Variants in PRKCH observed in about 807,000 individuals in gnomAD.
PRKCH encodes protein kinase C eta.
PRKCH carries 28 observed loss-of-function variants against 82.5 expected under a neutral mutation model. The observed-to-expected ratio is 0.34, with a 90% CI of 0.25 to 0.47. The LOEUF (loss-of-function observed/expected upper bound fraction) is 0.47, where lower values mean the gene tolerates loss of function less well. PRKCH is among the 20% of genes least tolerant of loss of function. PRKCH has a pLI of 1.00. For missense variants in PRKCH, 705 were observed against 881.8 expected (o/e 0.80, Z 2.54); for synonymous variants, 322 against 327.4 (o/e 0.98, Z 0.18).
At chr14:61,404,729 A>G (rs919191433) in intron 2 of PRKCH, among the ~76,000 whole-genome samples, 1 of 152,154 alleles carries the variant, frequency 6.6e-6, no homozygotes, top group Non-Finnish European at 1.5e-5. Flanking sequence ...TTCAAATCAG[A>G]TGGTCAGGGA....
intron 1 of PRKCH, among the ~76,000 whole-genome samples, chr14:61,389,403 G>A (rs1320857896): frequency 6.6e-6 from 1 of 152,120 alleles, no homozygotes; most frequent in East Asian, 1.9e-4. Flanking sequence ...AGAAACGCTA[G>A]GCCAATGCCA....
At chr14:61,244,341 C>G (rs528499995) in intron 1 of PRKCH, among the ~76,000 whole-genome samples, 1 of 152,244 alleles carries the variant, frequency 6.6e-6, no homozygotes, top group East Asian at 1.9e-4. Context: ...GTAGTTCAAG[C>G]TTAAGTGATG....
intron 12 of PRKCH, among the ~76,000 whole-genome samples, chr14:61,534,295 C>T (rs74054816): frequency 0.029 from 4,469 of 152,186 alleles, 212 homozygotes; most frequent in African/African-American, 0.1. Context: ...TACAATAGCC[C>T]GAAGGTGGAA....
At chr14:61,321,535 C>T (rs2045622157), upstream of PRKCH, among the ~76,000 whole-genome samples, 1 of 152,174 alleles carries the variant, frequency 6.6e-6, no homozygotes, top group South Asian at 2.1e-4. This position sits in a 1 kb window ranked among gnomAD's most constrained non-coding sequence, Gnocchi z 4.1. Context: ...CCGCGGGCCA[C>T]GCCCCTGGGG....
chr14:61,222,035 C>G (rs2044660143), intron 1 of PRKCH, among the ~76,000 whole-genome samples: 1 of 152,174 alleles, frequency 6.6e-6, no homozygotes, highest in African/African-American at 2.4e-5. Flanking sequence ...GCAGTGCCCC[C>G]TCCCACACAC....
At chr14:61,500,228 CG>C in intron 10 of PRKCH, among the ~76,000 whole-genome samples, 1 of 151,618 alleles carries the variant, frequency 6.6e-6, no homozygotes, top group East Asian at 1.9e-4. Context: ...TTTTGAGACA[CG>C]GTCTCCCTCT....
chr14:61,367,708 G>A (rs1409554301), intron 1 of PRKCH, among the ~76,000 whole-genome samples: 2 of 142,790 alleles, frequency 1.4e-5, no homozygotes, highest in Non-Finnish European at 3.0e-5. Flanking sequence ...TCTTAATCTG[G>A]AGAACTCCTT....
intron 1 of PRKCH, among the ~76,000 whole-genome samples, chr14:61,189,158 C>G (rs1247200789): frequency 1.3e-5 from 2 of 152,240 alleles, no homozygotes; most frequent in Non-Finnish European, 2.9e-5. Context: ...CCAGCGCCCC[C>G]GCGAGGCCCG....
At chr14:61,208,714 T>C (rs1183033265) in intron 1 of PRKCH, among the ~76,000 whole-genome samples, 6 of 152,202 alleles carry the variant, frequency 3.9e-5, no homozygotes, top group Admixed American at 1.3e-4. Context: ...TTAACAACGA[T>C]TGATAAAGTA....
intron 1 of PRKCH, among the ~76,000 whole-genome samples, chr14:61,249,387 G>A (rs184289434): frequency 1.0e-3 from 158 of 152,216 alleles, no homozygotes; most frequent in Middle Eastern, 3.4e-3. Flanking sequence ...AGTTCTAAAT[G>A]TAAGAAGGTG....
intron 12 of PRKCH, among the ~76,000 whole-genome samples, chr14:61,539,121 ACAACGGGCATTG>A (rs2043149198): frequency 6.6e-6 from 1 of 152,248 alleles, no homozygotes; most frequent in Admixed American, 6.5e-5. Flanking sequence ...ATGTTGTCTA[ACAACGGGCATTG>A]GCACAACTGC....
intron 1 of PRKCH, chr14:61,281,128 G>A (rs910849216): frequency 7.1e-7 from 1 of 1,405,304 alleles, no homozygotes; most frequent in Non-Finnish European, 9.2e-7. Context: ...GGCGCCCCGG[G>A]CCGTGGCGCT....
At chr14:61,402,449 G>T (rs1200062551) in intron 2 of PRKCH, among the ~76,000 whole-genome samples, 1 of 152,196 alleles carries the variant, frequency 6.6e-6, no homozygotes, top group African/African-American at 2.4e-5. Context: ...CTGTATTCAT[G>T]TACTTCAACT....
chr14:61,503,950 G>T (rs1887028579), intron 10 of PRKCH, among the ~76,000 whole-genome samples: 1 of 152,066 alleles, frequency 6.6e-6, no homozygotes, highest in Non-Finnish European at 1.5e-5. Context: ...ACTTTACTTT[G>T]CAAGAATTAA....
At chr14:61,334,383 G>T (rs1250923061) in intron 1 of PRKCH, among the ~76,000 whole-genome samples, 1 of 152,092 alleles carries the variant, frequency 6.6e-6, no homozygotes, top group Non-Finnish European at 1.5e-5. Flanking sequence ...ATCAAAGCAG[G>T]GTGACTTGAT....
chr14:61,400,796 T>C (rs1566860079), intron 2 of PRKCH, among the ~76,000 whole-genome samples: 1 of 152,168 alleles, frequency 6.6e-6, no homozygotes, highest in Non-Finnish European at 1.5e-5. Flanking sequence ...TATAACAAAT[T>C]TCTGAGGCTG....
intron 2 of PRKCH, among the ~76,000 whole-genome samples, chr14:61,414,822 A>G (rs751496243): frequency 6.6e-6 from 1 of 151,752 alleles, no homozygotes; most frequent in Non-Finnish European, 1.5e-5. Context: ...CTGTCCCCAC[A>G]CTCTTGAATA....
chr14:61,343,613 G>T (rs2045956359), intron 1 of PRKCH, among the ~76,000 whole-genome samples: 1 of 152,108 alleles, frequency 6.6e-6, no homozygotes, highest in Non-Finnish European at 1.5e-5. Context: ...ATGTGCCAAT[G>T]CAAGACCTGG....
intron 2 of PRKCH, among the ~76,000 whole-genome samples, chr14:61,426,891 T>A (rs1233660695): frequency 6.6e-6 from 1 of 152,182 alleles, no homozygotes; most frequent in Non-Finnish European, 1.5e-5. Context: ...GATTAGAAAC[T>A]GTTTGTAATG....
Sources: allele counts gnomAD v4.1 joint callset (sites outside exome capture counted in the v4.1 genomes callset), GRCh38; gene constraint gnomAD v4.1.1; non-coding constraint Gnocchi (gnomAD v3.1); transcripts MANE v1.5; gene names NCBI Gene and HGNC (gene_info 2026-07-23, HGNC 2026-07-21).